NBAS: variants seen among roughly 807,000 people sequenced by gnomAD.
NBAS encodes NBAS subunit of NRZ tethering complex, also known as NAG/BC035112 fusion.
In NBAS, 219 loss-of-function variants were observed where a neutral mutation model predicts 302.5. The observed-to-expected ratio is 0.72, with a 90% confidence interval of 0.65 to 0.81. The LOEUF is 0.81. NBAS is among the 30% of genes least tolerant of loss of function. The pLI, the probability that NBAS is intolerant of heterozygous loss-of-function variation, is 0.00. For synonymous variants in NBAS, 1,118 were observed against 1,021.6 expected (o/e 1.09, Z -1.80); for missense variants, 2,932 against 2,841.6 (o/e 1.03, Z -0.72).
the NBAS span, among the ~76,000 whole-genome samples, chr2:14,890,975 T>G: frequency 6.6e-6 from 1 of 152,252 alleles, no homozygotes; most frequent in Non-Finnish European, 1.5e-5. Context: ...AAATCTTTTT[T>G]AGAATAAAAG....
At chr2:15,491,103 C>T (rs942254759) in intron 11 of NBAS, among the ~76,000 whole-genome samples, 1 of 152,112 alleles carries the variant, frequency 6.6e-6, no homozygotes, top group Non-Finnish European at 1.5e-5. Flanking sequence ...TCAGGACATG[C>T]TACCCCAAAA....
In NBAS at chr2:15,356,379, G is replaced by T. The variant is rs746692653; in HGVS notation, c.3855C>A (p.Ile1285=). Residue 1285 remains isoleucine (I), a synonymous_variant, in exon 33 of 52, where the codon ATC becomes ATA. Coordinates refer to ENST00000281513, the MANE Select transcript of NBAS (RefSeq NM_015909.4). The part of the protein sequence containing the change: ...NPEERRGQVL[I]LLVEQALRFH... ...AGCGAAGTGCCTGCTCCACTAAAAG[G>T]ATTAGAACCTGTCCCCGCCTTTCTT... 2.5e-6 allele frequency: 4 copies of T among 1,613,870 alleles called. No individual in the cohort carries two copies. Among genetic ancestry groups the T allele is most frequent in the Non-Finnish European group, 3.4e-6 (4 of 1,179,822 alleles).
At chr2:15,137,264 T>C in the NBAS span, among the ~76,000 whole-genome samples, 5 of 152,214 alleles carry the variant, frequency 3.3e-5, no homozygotes, top group African/African-American at 1.2e-4. Flanking sequence ...ACATCTTACA[T>C]ATGTCAGTGT....
At chr2:15,162,153 C>T (rs1663914627), downstream of NBAS, among the ~76,000 whole-genome samples, 1 of 150,916 alleles carries the variant, frequency 6.6e-6, no homozygotes, top group Admixed American at 6.6e-5. Context: ...AAACCCAGAC[C>T]CCTGACTCCA....
At chr2:15,339,225 G>C (rs1469363449) in intron 35 of NBAS, among the ~76,000 whole-genome samples, 1 of 151,988 alleles carries the variant, frequency 6.6e-6, no homozygotes, top group East Asian at 1.9e-4. Context: ...AACCCACAAA[G>C]TAAGTTTACT....
intron 40 of NBAS, among the ~76,000 whole-genome samples, chr2:15,304,289 A>G (rs1003443890): frequency 6.7e-6 from 1 of 148,616 alleles, no homozygotes; most frequent in African/African-American, 2.4e-5. Context: ...CCTTGGGAAG[A>G]AAGTGCCTTT....
the NBAS span, among the ~76,000 whole-genome samples, chr2:14,846,509 G>A: frequency 0.056 from 7,872 of 139,364 alleles, 690 homozygotes; most frequent in African/African-American, 0.23. Flanking sequence ...ACTGGTAATA[G>A]TAAGTACACA....
At chr2:14,913,720 C>A in the NBAS span, among the ~76,000 whole-genome samples, 1 of 152,048 alleles carries the variant, frequency 6.6e-6, no homozygotes, top group East Asian at 1.9e-4. Flanking sequence ...TTGGAAGTTA[C>A]AGTAATGATC....
At chr2:15,402,924 G>A (rs1676222952) in intron 25 of NBAS, among the ~76,000 whole-genome samples, 1 of 152,016 alleles carries the variant, frequency 6.6e-6, no homozygotes, top group Admixed American at 6.5e-5. Flanking sequence ...TCCAGGATAT[G>A]AAAATAACCA....
At chr2:15,456,694 C>G (rs1679262434) in intron 21 of NBAS, among the ~76,000 whole-genome samples, 1 of 152,138 alleles carries the variant, frequency 6.6e-6, no homozygotes, top group African/African-American at 2.4e-5. Context: ...TCCATTGGAG[C>G]TGCTATTTCA....
chr2:15,302,818 C>T (rs1670865542), intron 40 of NBAS, among the ~76,000 whole-genome samples: 1 of 152,182 alleles, frequency 6.6e-6, no homozygotes, highest in Non-Finnish European at 1.5e-5. Context: ...GTCTAATCAG[C>T]TGCCAGTGTG....
At chr2:15,341,851 G>A (rs1394938943) in intron 35 of NBAS, among the ~76,000 whole-genome samples, 2 of 152,060 alleles carry the variant, frequency 1.3e-5, no homozygotes, top group African/African-American at 2.4e-5. Flanking sequence ...TCCTTCTTTG[G>A]TCAGACCTAT....
the NBAS span, among the ~76,000 whole-genome samples, chr2:14,861,622 G>A: frequency 6.6e-6 from 1 of 152,232 alleles, no homozygotes; most frequent in South Asian, 2.1e-4. Flanking sequence ...ATCTCAGGAT[G>A]ATGCTATCCC....
chr2:15,342,392 G>T (rs1672896916), intron 35 of NBAS, among the ~76,000 whole-genome samples: 1 of 152,022 alleles, frequency 6.6e-6, no homozygotes, highest in Non-Finnish European at 1.5e-5. Flanking sequence ...GGTCTATATG[G>T]AATCACAAGG....
chr2:14,868,579 C>T, the NBAS span, among the ~76,000 whole-genome samples: 2 of 152,134 alleles, frequency 1.3e-5, no homozygotes, highest in Non-Finnish European at 2.9e-5. Context: ...GTTGTAGGCA[C>T]GGACGGAATT....
At chr2:15,267,020 C>A (rs758841147) in intron 44 of NBAS, among the ~76,000 whole-genome samples, 4 of 152,194 alleles carry the variant, frequency 2.6e-5, no homozygotes, top group Non-Finnish European at 5.9e-5. Flanking sequence ...GCTTTTCCCA[C>A]AATGACATCT....
intron 51 of NBAS, among the ~76,000 whole-genome samples, chr2:15,169,842 C>T (rs922908080): frequency 6.6e-6 from 1 of 152,234 alleles, no homozygotes; most frequent in Admixed American, 6.5e-5. Flanking sequence ...TGGCTGCCTC[C>T]AGCCACGTGC....
At chr2:15,199,424 T>C (rs1024822268) in intron 48 of NBAS, among the ~76,000 whole-genome samples, 1 of 152,192 alleles carries the variant, frequency 6.6e-6, no homozygotes, top group Non-Finnish European at 1.5e-5. Context: ...GAAAGTAGTA[T>C]AGTACCTATA....
chr2:15,403,218 G>A (rs1034845092), intron 25 of NBAS, among the ~76,000 whole-genome samples: 6 of 152,130 alleles, frequency 3.9e-5, no homozygotes, highest in Non-Finnish European at 7.4e-5. Flanking sequence ...GGAAAGTGAT[G>A]GAGAGAAGCT....
Sources: gnomAD v4.1 joint callset for allele counts (sites outside exome capture counted in the v4.1 genomes callset) on GRCh38, gnomAD v4.1.1 for gene constraint, MANE v1.5 for transcripts, NCBI Gene and HGNC (gene_info 2026-07-23, HGNC 2026-07-21) for gene names.